Variants in LMF1 observed in about 807,000 individuals in gnomAD.
The protein encoded by LMF1 is lipase maturation factor 1, also known as transmembrane protein 112.
LMF1 carries 68 observed loss-of-function variants against 60.6 expected under a neutral mutation model. The ratio of observed to expected loss-of-function variants is 1.12; its 90% CI spans 0.92 to 1.37. The LOEUF is 1.37. Ranked by LOEUF, LMF1 falls within the 40% of genes most tolerant of loss-of-function variation. The probability of loss-of-function intolerance (pLI) is 0.00; values close to 1 mark genes in which losing one functional copy is unlikely to be tolerated. For missense variants in LMF1, 948 were observed against 767.2 expected (o/e 1.24, Z -2.78); for synonymous variants, 418 against 324.7 (o/e 1.29, Z -3.09).
intron 3 of LMF1, among the ~76,000 whole-genome samples, chr16:923,938 A>G (rs1321740668): frequency 6.6e-6 from 1 of 152,234 alleles, no homozygotes; most frequent in Non-Finnish European, 1.5e-5. Context: ...TAAAGTTGGA[A>G]CAAATGAGTG....
chr16:940,891 T>C (rs552999183), intron 2 of LMF1, among the ~76,000 whole-genome samples: 1 of 152,350 alleles, frequency 6.6e-6, no homozygotes, highest in South Asian at 2.1e-4. Context: ...GAAAGAGTGA[T>C]TGATGTTAAA....
intron 3 of LMF1, among the ~76,000 whole-genome samples, chr16:915,858 G>A (rs1327638307): frequency 1.3e-5 from 2 of 152,076 alleles, no homozygotes; most frequent in African/African-American, 4.8e-5. Flanking sequence ...GCCGGAGCAC[G>A]TGGGACGCGG....
chr16:867,956 C>T (rs962122265), intron 10 of LMF1, among the ~76,000 whole-genome samples: 2 of 152,176 alleles, frequency 1.3e-5, no homozygotes, highest in African/African-American at 4.8e-5. Context: ...GTGAGCAACT[C>T]CAGAGGGTGC....
chr16:875,382 C>T (rs2069943840), intron 6 of LMF1, among the ~76,000 whole-genome samples: 1 of 152,140 alleles, frequency 6.6e-6, no homozygotes, highest in African/African-American at 2.4e-5. Context: ...TCATCTAACC[C>T]CCTGGCCAGG....
intron 2 of LMF1, among the ~76,000 whole-genome samples, chr16:939,343 G>A (rs994621133): frequency 2.6e-5 from 4 of 152,242 alleles, no homozygotes; most frequent in African/African-American, 9.6e-5. Flanking sequence ...TCAGGAGCTA[G>A]TTCACACAGT....
intron 2 of LMF1, chr16:954,121 G>C (rs1402286400): frequency 1.5e-6 from 1 of 647,804 alleles, no homozygotes; most frequent in African/African-American, 1.8e-5. Flanking sequence ...TGGCAACGCA[G>C]TCCTTTAAGT....
At chr16:863,106 T>C (rs1221866962) in intron 10 of LMF1, among the ~76,000 whole-genome samples, 1 of 152,224 alleles carries the variant, frequency 6.6e-6, no homozygotes, top group African/African-American at 2.4e-5. Context: ...ATAAAATTTA[T>C]GTATGTAGAT....
intron 7 of LMF1, 54 bp from the exon 8 acceptor site, chr16:870,936 T>C: frequency 6.5e-7 from 1 of 1,538,326 alleles, no homozygotes; most frequent in Non-Finnish European, 8.7e-7. Flanking sequence ...CCGTGGCCTG[T>C]CCCTGGGGAG....
chr16:967,451 C>T (rs547518778), intron 1 of LMF1, among the ~76,000 whole-genome samples: 4 of 152,310 alleles, frequency 2.6e-5, no homozygotes, highest in Admixed American at 6.5e-5. Context: ...TTCCTTATTG[C>T]GCACACAGAC....
At chr16:929,029 C>G (rs1169740986) in intron 3 of LMF1, among the ~76,000 whole-genome samples, 1 of 152,172 alleles carries the variant, frequency 6.6e-6, no homozygotes, top group Non-Finnish European at 1.5e-5. Context: ...GCCCCCTACT[C>G]ACACAAGGCT....
intron 4 of LMF1, among the ~76,000 whole-genome samples, chr16:906,046 C>T (rs527238400): frequency 1.3e-5 from 2 of 152,240 alleles, no homozygotes; most frequent in East Asian, 1.9e-4. Flanking sequence ...CTCAAATTAA[C>T]GTTTGTGTGT....
chr16:948,814 CAG>C (rs1204764180), intron 2 of LMF1, among the ~76,000 whole-genome samples: 1,278 of 124,904 alleles, frequency 0.01, 6 homozygotes, highest in Non-Finnish European at 0.013. Flanking sequence ...CAGCCAACGA[CAG>C]AGTCAGCCAA....
At chr16:887,771 G>C (rs898059152) in intron 5 of LMF1, among the ~76,000 whole-genome samples, 2 of 152,006 alleles carry the variant, frequency 1.3e-5, no homozygotes, top group South Asian at 2.1e-4. Context: ...TGGGCCCGGA[G>C]TCAGGGTGCA....
In LMF1 at chr16:868,988, C is replaced by A; in HGVS notation, c.1485G>T (p.Leu495Phe). 2 of 1,612,534 alleles carry A rather than the reference C, an allele frequency of 1.2e-6. No individual in the cohort carries two copies. Among genetic ancestry groups the A allele is most frequent in the Non-Finnish European group, 1.7e-6 (2 of 1,179,774 alleles). Reference sequence around the variant, plus strand: ...CGAAGGGGTTGTGTGCCAGCAGGGACAAGGCCTCGGCGTCGCTGGCCAGGA... The same window carrying A: ...CGAAGGGGTTGTGTGCCAGCAGGGAAAAGGCCTCGGCGTCGCTGGCCAGGA... ...GKLLASDAEA[L>F]SLLAHNPFAG... The change falls in exon 10 of 11, where the codon TTG becomes TTT. Residue 495 changes from leucine (L) to phenylalanine (F), a missense_variant. Physicochemically the swap from Leu to Phe is conservative, Grantham distance 22. Coordinates refer to ENST00000262301, the MANE Select transcript of LMF1 (RefSeq NM_022773.4).
At chr16:980,652 A>G (rs1303242783) in intron 1 of LMF1, 4 of 151,884 alleles carry the variant, frequency 2.6e-5, no homozygotes, top group African/African-American at 9.7e-5. Context: ...GCTGGTTGAA[A>G]GGATCCGAGC....
In LMF1 at chr16:954,642, T is replaced by C. The variant is rs1344357550; in HGVS notation, c.218A>G (p.His73Arg). The C allele has an allele frequency of 2.5e-6, 4 of 1,601,214 alleles. No homozygotes were observed. Among genetic ancestry groups the C allele is most frequent in the Non-Finnish European group, 3.4e-6 (4 of 1,171,756 alleles). Residue 73 changes from histidine to arginine, a missense_variant, in exon 2 of 11, where the codon CAT becomes CGT. By Grantham distance (29) the His-to-Arg change is conservative. Coordinates refer to ENST00000262301, the MANE Select transcript of LMF1 (RefSeq NM_022773.4). Reference protein sequence around the residue: ...VYFVAFLVAFHQNKQLIGDRG... With the variant: ...VYFVAFLVAFRQNKQLIGDRG... ...GTCACCGATGAGCTGCTTGTTCTGA[T>C]GGAAAGCCACCAGGAATGCCACGAC...
chr16:928,607 A>AG (rs935469694), intron 3 of LMF1, among the ~76,000 whole-genome samples: 1 of 152,086 alleles, frequency 6.6e-6, no homozygotes, highest in African/African-American at 2.4e-5. Flanking sequence ...CTGAGGGAGC[A>AG]GGGGGGCAAA....
At chr16:954,970 A>ATC in intron 1 of LMF1, among the ~76,000 whole-genome samples, 1 of 124,822 alleles carries the variant, frequency 8.0e-6, no homozygotes, top group Middle Eastern at 3.9e-3. Flanking sequence ...ACACACACAC[A>ATC]TATCTAAGTG....
chr16:875,773 C>T (rs1220013974), intron 6 of LMF1, among the ~76,000 whole-genome samples: 1 of 152,176 alleles, frequency 6.6e-6, no homozygotes, highest in African/African-American at 2.4e-5. Context: ...CTGGCGTGGG[C>T]ATCTCTGTGT....
Sources: gnomAD v4.1 joint callset for allele counts (sites outside exome capture counted in the v4.1 genomes callset) on GRCh38, gnomAD v4.1.1 for gene constraint, MANE v1.5 for transcripts, NCBI Gene and HGNC (gene_info 2026-07-23, HGNC 2026-07-21) for gene names.